The following OSCP1 variants were observed in gnomAD, a reference collection of about 807,000 sequenced individuals.
OSCP1 encodes the protein organic solute carrier partner 1.
OSCP1 carries 35 observed loss-of-function variants against 45.1 expected under a neutral mutation model. The ratio of observed to expected loss-of-function variants is 0.78; its 90% confidence interval spans 0.59 to 1.03. OSCP1 has a LOEUF of 1.03. OSCP1 is among the 50% of genes least tolerant of loss of function. OSCP1 has a pLI of 0.00. For missense variants in OSCP1, 400 were observed against 470.7 expected, an observed-to-expected ratio of 0.85 and a Z score of 1.39; for synonymous variants, 179 against 180.1, an observed-to-expected ratio of 0.99 and a Z score of 0.05.
intron 5 of OSCP1, 22 bp from the exon 6 acceptor site, chr1:36,422,918 G>A (rs771244097): frequency 6.4e-7 from 1 of 1,561,200 alleles, no homozygotes; most frequent in East Asian, 2.3e-5. Flanking sequence ...AGTATGACAT[G>A]ATGGAATGTT....
At chr1:36,449,268 G>A (rs1026363977) in intron 1 of OSCP1, among the ~76,000 whole-genome samples, 4 of 152,164 alleles carry the variant, frequency 2.6e-5, no homozygotes, top group Non-Finnish European at 5.9e-5. Context: ...GAGGAAAAGA[G>A]GAAAAGGAAC....
intron 1 of OSCP1, among the ~76,000 whole-genome samples, chr1:36,442,664 G>T (rs1011938656): frequency 6.6e-6 from 1 of 152,132 alleles, no homozygotes; most frequent in Non-Finnish European, 1.5e-5. Context: ...TTGGAGCCAA[G>T]AATTTAGAGA....
intron 1 of OSCP1, among the ~76,000 whole-genome samples, chr1:36,449,181 C>T (rs1199604221): frequency 6.6e-6 from 1 of 152,132 alleles, no homozygotes; most frequent in Admixed American, 6.5e-5. Flanking sequence ...ACTTTTCCTC[C>T]TCCACTTTGA....
chr1:36,443,856 C>T lies in OSCP1; in HGVS notation c.113-4946G>A, dbSNP rs903462759. 34 of 847,644 alleles carry T rather than the reference C, an allele frequency of 4.0e-5. No homozygotes were observed. The East Asian group carries it at 7.4e-4, about 19-fold the overall frequency. The allele number at this position is 847,644 out of a possible 1,614,324, so 52.5% of individuals were successfully genotyped here. ...TTAAGTAAAAGATTCAAATGTATAA[C>T]CAATATCTCAGCTAAAGACAAACTC... On this transcript the variant is annotated intron_variant, in intron 1 of 9. Transcript: ENST00000235532.
chr1:36,434,394 TG>T (rs1020392722), intron 2 of OSCP1, among the ~76,000 whole-genome samples: 1 of 152,196 alleles, frequency 6.6e-6, no homozygotes, highest in Non-Finnish European at 1.5e-5. Context: ...GCCAGGACCC[TG>T]CTACACAATC....
chr1:36,426,536 C>T (rs764886243), intron 4 of OSCP1, among the ~76,000 whole-genome samples: 2 of 152,068 alleles, frequency 1.3e-5, no homozygotes, highest in Non-Finnish European at 2.9e-5. Flanking sequence ...CTCAAATTCC[C>T]CCTGCTCAGA....
chr1:36,449,833 C>T (rs186690888), intron 1 of OSCP1, among the ~76,000 whole-genome samples: 1 of 31,148 alleles, frequency 3.2e-5, no homozygotes, highest in Non-Finnish European at 4.5e-5. Context: ...GAGACCCTGT[C>T]TCAAAAAAAA....
At chr1:36,439,057 C>G (rs1294638715) in intron 1 of OSCP1, 147 bp from the exon 2 acceptor site, 6 of 743,856 alleles carry the variant, frequency 8.1e-6, no homozygotes, top group Admixed American at 6.5e-5. Context: ...CCTGAGGGGA[C>G]CACACAGGTG....
At chr1:36,436,831 G>T (rs1648779528) in intron 2 of OSCP1, among the ~76,000 whole-genome samples, 1 of 152,066 alleles carries the variant, frequency 6.6e-6, no homozygotes, top group Non-Finnish European at 1.5e-5. Context: ...GCTCCTCTTG[G>T]CTGGACAGTT....
chr1:36,445,131 C>T (rs948648910), intron 1 of OSCP1, among the ~76,000 whole-genome samples: 1 of 152,204 alleles, frequency 6.6e-6, no homozygotes. Context: ...GGGCGGATCA[C>T]CTGAGGTCAG....
intron 4 of OSCP1, chr1:36,428,453 A>C (rs1222688775): frequency 1.2e-6 from 2 of 1,613,768 alleles, no homozygotes; most frequent in Non-Finnish European, 1.7e-6. Flanking sequence ...AGTTTCTTGC[A>C]TATGCTTCCA....
At position 36,432,443 on chromosome 1, in the gene OSCP1, C is replaced by T. The variant is rs762043052; in HGVS notation, c.414G>A (p.Glu138=). ...TTACTTCTGTCAGCTGCCGCAAAGTCTCGTCCACTTGCTGCAGGATGGTTG... is the reference window on the plus strand; with the variant it reads ...TTACTTCTGTCAGCTGCCGCAAAGTTTCGTCCACTTGCTGCAGGATGGTTG... The part of the protein sequence containing the change: ...DSPTILQQVD[E]TLRQLTEIYG... Residue 138 remains glutamate, a synonymous_variant, in exon 3 of 10, where the codon GAG becomes GAA. Transcript: ENST00000235532. The T allele has an allele frequency of 6.2e-7, 1 of 1,614,026 alleles. No individual in the cohort carries two copies. The highest frequency in any genetic ancestry group is 8.5e-7 in the Non-Finnish European group (1 of 1,180,020).
At chr1:36,441,004 G>T (rs1649103984) in intron 1 of OSCP1, 1 of 152,244 alleles carries the variant, frequency 6.6e-6, no homozygotes, top group African/African-American at 2.4e-5. Flanking sequence ...CTGGACGAAA[G>T]AATACCCCAA....
At chr1:36,437,514 A>AT (rs2124801008) in intron 2 of OSCP1, among the ~76,000 whole-genome samples, 1 of 151,936 alleles carries the variant, frequency 6.6e-6, no homozygotes, top group Admixed American at 6.6e-5. Flanking sequence ...AAAATTGTTT[A>AT]TTTATTTTAC....
chr1:36,428,133 T>C, intron 4 of OSCP1: 1 of 453,332 alleles, frequency 2.2e-6, no homozygotes, highest in South Asian at 9.5e-5. Flanking sequence ...GAGGTTGCAG[T>C]GAGCTGAGAT....
At chr1:36,437,496 G>T (rs1648824557) in intron 2 of OSCP1, among the ~76,000 whole-genome samples, 1 of 152,032 alleles carries the variant, frequency 6.6e-6, no homozygotes, top group Admixed American at 6.6e-5. Context: ...GGGGTTGAGT[G>T]CTTTTTAAAA....
intron 6 of OSCP1, 150 bp downstream of exon 6, chr1:36,422,618 C>G (rs1193674048): frequency 1.3e-6 from 1 of 763,754 alleles, no homozygotes; most frequent in Non-Finnish European, 2.0e-6. Flanking sequence ...TTTGAAATGT[C>G]AGGCCTCTGT....
Position 36,438,838 on chromosome 1 carries a change from T to A in OSCP1, c.185A>T (p.Tyr62Phe), listed in dbSNP as rs768117356. The stretch of plus-strand genomic sequence containing the variant: ...GACAGTCCTCAGGGCCTTCTTGGAG[T>A]AGAGCTCTTGAGGCTTGAATAATTC... ...MEELFKPQELYSKKALRTVYE... is the reference protein window; with the variant it reads ...MEELFKPQELFSKKALRTVYE... Residue 62 changes from tyrosine to phenylalanine, a missense_variant, in exon 2 of 10, where the codon TAC (tyrosine) becomes TTC (phenylalanine). Physicochemically the swap from Tyr to Phe is conservative, Grantham distance 22. Transcript: ENST00000235532. 62 of 1,613,968 alleles carry A rather than the reference T, an allele frequency of 3.8e-5. No homozygotes were observed. In the Admixed American group the frequency reaches 1.0e-3, roughly 26 times the overall value.
At position 36,430,434 on chromosome 1, in the gene OSCP1, A is replaced by G. The variant is rs1648285277; in HGVS notation, c.516+1368T>C. Among the ~76,000 whole-genome samples, 3 of 152,138 alleles carry G rather than the reference A, an allele frequency of 2.0e-5. No homozygotes were observed. The South Asian group carries it at 6.2e-4, about 32-fold the overall frequency. The stretch of plus-strand genomic sequence containing the variant: ...GCCCAGTTGGGAAGCATAGCCCACA[A>G]GAGTATGAGGGCCTGAGCCAGGATG... On this transcript the variant is annotated intron_variant, in intron 4 of 9. Transcript: ENST00000235532.
Sources: gnomAD v4.1 joint callset for allele counts (sites outside exome capture counted in the v4.1 genomes callset) on GRCh38, gnomAD v4.1.1 for gene constraint, MANE v1.5 for transcripts, NCBI Gene and HGNC (gene_info 2026-07-23, HGNC 2026-07-21) for gene names.